Variants in FHIP2A observed in about 807,000 individuals in gnomAD.
FHIP2A encodes FHF complex subunit HOOK interacting protein 2A.
FHIP2A carries 46 observed loss-of-function variants against 93.5 expected under a neutral mutation model. The ratio of observed to expected loss-of-function variants is 0.49; its 90% CI spans 0.39 to 0.63. The LOEUF (loss-of-function observed/expected upper bound fraction) is 0.63. Ranked by LOEUF, FHIP2A falls within the 20% of genes least tolerant of loss-of-function variation. FHIP2A has a pLI of 0.00. For missense variants in FHIP2A, 769 were observed against 909.7 expected (o/e 0.85, Z 1.99); for synonymous variants, 332 against 326.5 (o/e 1.02, Z -0.18).
chr10:114,838,512 A>G (rs921605181), intron 5 of FHIP2A, among the ~76,000 whole-genome samples: 9 of 151,262 alleles, frequency 5.9e-5, no homozygotes, highest in African/African-American at 2.2e-4. Flanking sequence ...TTTTTTTTTT[A>G]GTTGTTTGTG....
intron 16 of FHIP2A, among the ~76,000 whole-genome samples, chr10:114,882,550 G>T (rs2143015277): frequency 1.3e-5 from 2 of 152,268 alleles, no homozygotes; most frequent in Admixed American, 1.3e-4. Flanking sequence ...GTGAGGCTGG[G>T]CAAGGTGGCT....
downstream of FHIP2A, among the ~76,000 whole-genome samples, chr10:114,866,055 T>A (rs991154029): frequency 6.6e-6 from 1 of 152,128 alleles, no homozygotes; most frequent in African/African-American, 2.4e-5. Context: ...GGTGGTTTGC[T>A]GCACCTATCA....
At chr10:114,868,766 A>G (rs2083843285), downstream of FHIP2A, among the ~76,000 whole-genome samples, 4 of 152,282 alleles carry the variant, frequency 2.6e-5, no homozygotes, top group South Asian at 8.3e-4. Context: ...TCATAATGGT[A>G]CCCATGTTGT....
chr10:114,860,759 T>C lies in FHIP2A; in HGVS notation c.1958T>C (p.Val653Ala). 1 of 1,599,848 alleles carries C rather than the reference T, an allele frequency of 6.3e-7. No homozygotes were observed. The highest frequency in any genetic ancestry group is 2.2e-5 in the East Asian group (1 of 44,798). Reference sequence around the variant, plus strand: ...TTTATCTCTCCATAGCCATATGATGTAAACTTACAAGTAACCTCAGTGTTA... The same window carrying C: ...TTTATCTCTCCATAGCCATATGATGCAAACTTACAAGTAACCTCAGTGTTA... The part of the protein sequence containing the change: ...MGRILDQPYD[V>A]NLQVTSVLSR... The change falls in exon 15 of 17, where the codon GTA becomes GCA. Residue 653 changes from valine to alanine, a missense_variant. Physicochemically the swap from Val to Ala is moderately conservative, Grantham distance 64 (BLOSUM62 0). Coordinates refer to ENST00000369248, the MANE Select transcript of FHIP2A (RefSeq NM_020940.4).
chr10:114,877,627 A>G (rs1233810175), intron 16 of FHIP2A, among the ~76,000 whole-genome samples: 6 of 152,180 alleles, frequency 3.9e-5, no homozygotes, highest in South Asian at 4.1e-4. Flanking sequence ...CAGTGATTCT[A>G]TTGTTCAGAC....
At chr10:114,836,347 G>A in intron 5 of FHIP2A, 101 bp downstream of exon 5, 1 of 931,346 alleles carries the variant, frequency 1.1e-6, no homozygotes, top group South Asian at 2.2e-5. Flanking sequence ...TGTTTTGCAG[G>A]TTATTAGCTT....
chr10:114,892,317 C>T (rs570031962), intron 16 of FHIP2A, among the ~76,000 whole-genome samples: 24 of 152,214 alleles, frequency 1.6e-4, no homozygotes, highest in African/African-American at 5.8e-4. Context: ...TATGTGTGAA[C>T]ATTTAGGTAT....
At chr10:114,844,519 G>A (rs1200553662) in intron 7 of FHIP2A, among the ~76,000 whole-genome samples, 1 of 152,220 alleles carries the variant, frequency 6.6e-6, no homozygotes, top group South Asian at 2.1e-4. Flanking sequence ...TATTTTTAAC[G>A]TGTCTTTCTT....
In FHIP2A at chr10:114,844,373, A is replaced by G. The variant is rs749757186; in HGVS notation, c.1013+436A>G. On this transcript the variant is annotated intron_variant, in intron 7 of 16. Transcript: ENST00000369248. ...TTTTAGACTCCCCAACTTGATTATC[A>G]TAGGGAAATATGATTATTGCAGAAC... 2.6e-5 allele frequency among the ~76,000 whole-genome samples: 4 copies of G among 152,166 alleles called. No individual in the cohort carries two copies. In the South Asian group the frequency reaches 6.2e-4, roughly 24 times the overall value.
In FHIP2A at chr10:114,860,804, C is replaced by G; in HGVS notation, c.2003C>G (p.Pro668Arg). The change falls in exon 15 of 17, where the codon CCT becomes CGT. Residue 668 changes from proline (P) to arginine (R), a missense_variant. Coordinates refer to ENST00000369248, the MANE Select transcript of FHIP2A (RefSeq NM_020940.4). The part of the protein sequence containing the change: ...TSVLSRLSLF[P>R]HPHIHEYLLD... Reference sequence around the variant, plus strand: ...GTGTTATCTAGACTTTCTCTCTTCCCTCATCCACACATCCACGAGTACCTT... The same window carrying G: ...GTGTTATCTAGACTTTCTCTCTTCCGTCATCCACACATCCACGAGTACCTT... 6.2e-7 allele frequency: 1 copy of G among 1,608,550 alleles called. No individual in the cohort carries two copies. Among genetic ancestry groups the G allele is most frequent in the Non-Finnish European group, 8.5e-7 (1 of 1,174,934 alleles).
chr10:114,895,516 T>A (rs1222245728), intron 16 of FHIP2A, among the ~76,000 whole-genome samples: 1 of 152,194 alleles, frequency 6.6e-6, no homozygotes, highest in African/African-American at 2.4e-5. Context: ...GTCTGTACAA[T>A]CCTTAATAAC....
In FHIP2A at chr10:114,847,241, G is replaced by A. The variant is rs200054410; in HGVS notation, c.1712+8G>A. 2 of 1,593,068 alleles carry A rather than the reference G, an allele frequency of 1.3e-6. No individual in the cohort carries two copies. Among genetic ancestry groups the A allele is most frequent in the Admixed American group, 3.7e-5 (2 of 53,564 alleles). ...TCATAAAATTGTAAATAGGTGAGTT[G>A]CTATATAAAATTTGACTTCCATCTC... is the stretch of plus-strand genomic sequence containing the variant. On this transcript the variant is annotated splice_region_variant and intron_variant, in intron 12 of 16. Transcript: ENST00000369248.
At chr10:114,877,971 A>G (rs897813781) in intron 16 of FHIP2A, among the ~76,000 whole-genome samples, 1 of 152,150 alleles carries the variant, frequency 6.6e-6, no homozygotes, top group Non-Finnish European at 1.5e-5. Context: ...GAAAATCTAC[A>G]TTGGCTCCTT....
At chr10:114,889,846 C>T (rs1566389787) in intron 16 of FHIP2A, among the ~76,000 whole-genome samples, 1 of 152,182 alleles carries the variant, frequency 6.6e-6, no homozygotes, top group Non-Finnish European at 1.5e-5. Context: ...GCATCCTACT[C>T]GCCTTAGCCT....
chr10:114,888,218 A>G (rs11196963), intron 16 of FHIP2A, among the ~76,000 whole-genome samples: 55,530 of 152,076 alleles, frequency 0.37, 10,976 homozygotes, highest in Middle Eastern at 0.51. Context: ...ATGCCTCAGC[A>G]TTCCTTGTTG....
At chr10:114,889,745 C>G (rs2083961152) in intron 16 of FHIP2A, among the ~76,000 whole-genome samples, 1 of 152,230 alleles carries the variant, frequency 6.6e-6, no homozygotes, top group Non-Finnish European at 1.5e-5. Context: ...CCAGCACATT[C>G]CAGTGCCCTG....
intron 16 of FHIP2A, among the ~76,000 whole-genome samples, chr10:114,888,328 C>T (rs1290319431): frequency 1.3e-5 from 2 of 152,080 alleles, no homozygotes; most frequent in African/African-American, 4.8e-5. Context: ...CAGGAAAGAT[C>T]CCTAATCTAG....
chr10:114,828,909 C>G (rs2083592506), intron 1 of FHIP2A, among the ~76,000 whole-genome samples: 1 of 151,906 alleles, frequency 6.6e-6, no homozygotes, highest in Non-Finnish European at 1.5e-5. Flanking sequence ...TATTTTATTC[C>G]ATAAATACAT....
At chr10:114,856,419 T>C (rs1022901317) in intron 14 of FHIP2A, among the ~76,000 whole-genome samples, 1 of 152,156 alleles carries the variant, frequency 6.6e-6, no homozygotes. Context: ...CCTCACCTCA[T>C]GGCTGTGTAA....
Sources: gnomAD v4.1 joint callset for allele counts (sites outside exome capture counted in the v4.1 genomes callset) on GRCh38, gnomAD v4.1.1 for gene constraint, MANE v1.5 for transcripts, NCBI Gene and HGNC (gene_info 2026-07-23, HGNC 2026-07-21) for gene names.